The following CLSTN2 variants were observed in gnomAD, a reference collection of about 807,000 sequenced individuals.
CLSTN2 encodes calsyntenin 2, also known as calsyntenin-2.
A neutral mutation model predicts 101.2 loss-of-function variants in CLSTN2; 48 were observed. That is an observed-to-expected ratio of 0.47 (90% CI 0.38 to 0.60). The LOEUF (loss-of-function observed/expected upper bound fraction) is 0.60, where lower values mean the gene tolerates loss of function less well. CLSTN2 is among the 20% of genes least tolerant of loss of function. CLSTN2 has a pLI of 0.00. For synonymous variants in CLSTN2, 481 were observed against 463.6 expected (o/e 1.04, Z -0.48); for missense variants, 1,160 against 1,238.2 (o/e 0.94, Z 0.95).
intron 2 of CLSTN2, among the ~76,000 whole-genome samples, chr3:140,373,956 C>A (rs148224448): frequency 1.3e-5 from 2 of 152,300 alleles, no homozygotes; most frequent in East Asian, 3.9e-4. Context: ...AGGCTCTAGA[C>A]CTTCTCTCCA....
intron 2 of CLSTN2, among the ~76,000 whole-genome samples, chr3:140,247,302 G>A (rs1261211464): frequency 6.6e-6 from 1 of 152,086 alleles, no homozygotes; most frequent in Non-Finnish European, 1.5e-5. Flanking sequence ...AGCTCATCCA[G>A]GTTTTCTTGG....
chr3:140,130,105 C>T lies in CLSTN2; in HGVS notation c.110-45846C>T, dbSNP rs993962622. 2.6e-5 allele frequency among the ~76,000 whole-genome samples: 4 copies of T among 152,302 alleles called. No individual in the cohort carries two copies. The East Asian group carries it at 7.7e-4, about 29-fold the overall frequency. ...CTCCTGCATGTTGCAATGTGACAGC[C>T]TCTAACACTGGTTTCTAAACTTGGA... On this transcript the variant is annotated intron_variant, in intron 1 of 16. Transcript: ENST00000458420.
intron 2 of CLSTN2, among the ~76,000 whole-genome samples, chr3:140,326,890 G>A (rs2087336572): frequency 6.6e-6 from 1 of 152,058 alleles, no homozygotes; most frequent in Admixed American, 6.5e-5. Context: ...GTGAAAGGTC[G>A]ACTTTTTGGA....
Position 140,020,769 on chromosome 3 carries a change from T to C in CLSTN2, c.109+85286T>C, listed in dbSNP as rs147361624. On this transcript the variant is annotated intron_variant, in intron 1 of 16. Transcript: ENST00000458420. ...TCTGGGCACATTATCTAAATTGTTA[T>C]GTATCACCCTGGGTAATGGCAAAAG... Among the ~76,000 whole-genome samples, 30 of 152,356 alleles carry C rather than the reference T, an allele frequency of 2.0e-4. No homozygotes were observed. The East Asian group carries it at 5.0e-3, about 25-fold the overall frequency.
chr3:140,173,206 A>C (rs1271555333), intron 1 of CLSTN2, among the ~76,000 whole-genome samples: 1 of 152,198 alleles, frequency 6.6e-6, no homozygotes, highest in Non-Finnish European at 1.5e-5. Context: ...AAATGGGAGA[A>C]ATTGGCCAAA....
intron 2 of CLSTN2, among the ~76,000 whole-genome samples, chr3:140,277,711 A>G (rs1462380259): frequency 6.6e-6 from 1 of 152,168 alleles, no homozygotes; most frequent in Non-Finnish European, 1.5e-5. Flanking sequence ...AATAAAGCAG[A>G]TAGATGCTGT....
At chr3:140,474,787 G>A (rs1933940988) in intron 8 of CLSTN2, among the ~76,000 whole-genome samples, 1 of 152,024 alleles carries the variant, frequency 6.6e-6, no homozygotes, top group Admixed American at 6.6e-5. Context: ...CTTTTCCAAG[G>A]CTGCAGGAGT....
chr3:140,340,873 A>G (rs1230406304), intron 2 of CLSTN2, among the ~76,000 whole-genome samples: 1 of 152,232 alleles, frequency 6.6e-6, no homozygotes, highest in East Asian at 1.9e-4. Flanking sequence ...GTTTTGAAGT[A>G]TACTGGTCAG....
At chr3:139,980,634 A>G (rs971083312) in intron 1 of CLSTN2, among the ~76,000 whole-genome samples, 5 of 151,956 alleles carry the variant, frequency 3.3e-5, no homozygotes, top group African/African-American at 1.2e-4. Context: ...ATTCTACACT[A>G]TATTATCTAT....
At chr3:139,953,919 G>GTGCGTGTGTGTT (rs1356451558) in intron 1 of CLSTN2, among the ~76,000 whole-genome samples, 7 of 143,368 alleles carry the variant, frequency 4.9e-5, no homozygotes, top group African/African-American at 1.8e-4. Flanking sequence ...GAAGGGCTCT[G>GTGCGTGTGTGTT]TGTGTGTGTG....
At chr3:140,233,629 C>A (rs902005255) in intron 2 of CLSTN2, among the ~76,000 whole-genome samples, 1 of 152,158 alleles carries the variant, frequency 6.6e-6, no homozygotes, top group Non-Finnish European at 1.5e-5. Flanking sequence ...TATTAATGGG[C>A]CAAGTTTTCC....
At chr3:140,258,813 G>A (rs1045630295) in intron 2 of CLSTN2, among the ~76,000 whole-genome samples, 3 of 152,168 alleles carry the variant, frequency 2.0e-5, no homozygotes, top group South Asian at 2.1e-4. Flanking sequence ...CTTGCCATAT[G>A]ATTGTAAAAC....
chr3:140,096,123 C>G (rs978231593), intron 1 of CLSTN2, among the ~76,000 whole-genome samples: 1 of 152,094 alleles, frequency 6.6e-6, no homozygotes, highest in Non-Finnish European at 1.5e-5. Context: ...ACTGCAAAGC[C>G]CAGTTTTAGA....
intron 6 of CLSTN2, chr3:140,454,337 T>A (rs1013519334): frequency 7.2e-5 from 11 of 152,196 alleles, no homozygotes; most frequent in Non-Finnish European, 1.6e-4. Flanking sequence ...ACCACCCAGA[T>A]GAAGCAAAAC....
chr3:140,154,456 G>A (rs187401514), intron 1 of CLSTN2, among the ~76,000 whole-genome samples: 33 of 152,106 alleles, frequency 2.2e-4, no homozygotes, highest in African/African-American at 8.0e-4. Flanking sequence ...TGGGCAGCTG[G>A]ATTAGTCCAT....
At chr3:140,555,146 GT>G (rs971718575) in intron 10 of CLSTN2, among the ~76,000 whole-genome samples, 70 of 152,334 alleles carry the variant, frequency 4.6e-4, no homozygotes, top group African/African-American at 1.6e-3. Context: ...CTAAAGGAAT[GT>G]TGCCAGTTTC....
chr3:140,296,877 T>G (rs1264394314), intron 2 of CLSTN2, among the ~76,000 whole-genome samples: 1 of 152,180 alleles, frequency 6.6e-6, no homozygotes, highest in African/African-American at 2.4e-5. Context: ...GAACCTGAGC[T>G]CCAGGAGGAT....
chr3:140,126,344 T>C (rs1423659547), intron 1 of CLSTN2, among the ~76,000 whole-genome samples: 6 of 151,802 alleles, frequency 4.0e-5, no homozygotes, highest in South Asian at 2.1e-4. Flanking sequence ...AGTTTGAGGA[T>C]GAAAAAGACA....
chr3:140,519,734 A>C (rs1239006915), intron 8 of CLSTN2, among the ~76,000 whole-genome samples: 1 of 152,164 alleles, frequency 6.6e-6, no homozygotes, highest in Non-Finnish European at 1.5e-5. Flanking sequence ...TTGGGAAGAC[A>C]GCATACTGAT....
Sources: allele counts gnomAD v4.1 joint callset (sites outside exome capture counted in the v4.1 genomes callset), GRCh38; gene constraint gnomAD v4.1.1; transcripts MANE v1.5; gene names NCBI Gene and HGNC (gene_info 2026-07-23, HGNC 2026-07-21).